Variants in TSPAN13 observed in about 807,000 individuals in gnomAD.
TSPAN13 encodes tetraspanin 13, also known as tetraspanin-13.
Under a neutral mutation model 26.9 loss-of-function variants are expected in TSPAN13, and 18 were observed. That is an observed-to-expected ratio of 0.67 (90% CI 0.46 to 0.99). TSPAN13 has a LOEUF of 0.99. TSPAN13 is among the 50% of genes least tolerant of loss of function. The pLI is 0.00. For missense variants in TSPAN13, 201 were observed against 249.6 expected (o/e 0.81, Z 1.31); for synonymous variants, 116 against 98.4 (o/e 1.18, Z -1.06).
chr7:16,778,896 A>T, intron 4 of TSPAN13, 107 bp from the exon 5 acceptor site: 1 of 779,308 alleles, frequency 1.3e-6, no homozygotes, highest in Non-Finnish European at 2.0e-6. Context: ...CCAAGGCCTC[A>T]AATTGGATAT....
chr7:16,759,677 C>CA (rs1554273838), intron 1 of TSPAN13, among the ~76,000 whole-genome samples: 1 of 148,942 alleles, frequency 6.7e-6, no homozygotes, highest in African/African-American at 2.5e-5. Context: ...AGTATTTCTG[C>CA]TTTTTTTTCT....
intron 1 of TSPAN13, among the ~76,000 whole-genome samples, 184 bp downstream of exon 1, chr7:16,754,214 G>C (rs1018593774): frequency 6.6e-6 from 1 of 152,282 alleles, no homozygotes; most frequent in East Asian, 1.9e-4. Flanking sequence ...GGCGCTTGTC[G>C]CAGTCTCTTC....
At position 16,782,980 on chromosome 7, in the gene TSPAN13, C is replaced by A. The variant is rs116129573; in HGVS notation, c.541-437C>A. Among the ~76,000 whole-genome samples the A allele has an allele frequency of 6.9e-3, 1,054 of 152,266 alleles. 19 individuals carry two copies. Among genetic ancestry groups the A allele is most frequent in the African/African-American group, 0.024 (977 of 41,546 alleles). On this transcript the variant is annotated intron_variant, in intron 5 of 5. Transcript: ENST00000262067. ...GCTAGGAGAGTTGCAGCTTCTCTTT[C>A]TATTTCCCTTTACTTCTGCCATCAC...
chr7:16,759,398 G>A (rs1259297571), intron 1 of TSPAN13, among the ~76,000 whole-genome samples: 1 of 152,082 alleles, frequency 6.6e-6, no homozygotes, highest in African/African-American at 2.4e-5. Flanking sequence ...GGTGCCAAAC[G>A]CTTTTAAACA....
At chr7:16,771,631 C>A (rs1012602627) in intron 1 of TSPAN13, among the ~76,000 whole-genome samples, 5 of 152,180 alleles carry the variant, frequency 3.3e-5, no homozygotes, top group African/African-American at 4.8e-5. Flanking sequence ...GCAGAAAACC[C>A]TCAGAAACTA....
At chr7:16,767,730 T>A (rs1047869107) in intron 1 of TSPAN13, among the ~76,000 whole-genome samples, 1 of 152,218 alleles carries the variant, frequency 6.6e-6, no homozygotes, top group Non-Finnish European at 1.5e-5. Context: ...GTCTAGTGCA[T>A]GTGAGATGGT....
At chr7:16,754,365 T>C (rs1784458163) in intron 1 of TSPAN13, among the ~76,000 whole-genome samples, 1 of 152,184 alleles carries the variant, frequency 6.6e-6, no homozygotes, top group Non-Finnish European at 1.5e-5. Flanking sequence ...CGTACCCTTC[T>C]GCCGCTCGCT....
At chr7:16,761,358 A>G (rs7781486) in intron 1 of TSPAN13, among the ~76,000 whole-genome samples, 13,694 of 152,226 alleles carry the variant, frequency 0.09, 1,104 homozygotes, top group African/African-American at 0.21. Flanking sequence ...GAGTTTTCAT[A>G]TTTCCATCCA....
At chr7:16,763,484 C>T (rs532305886) in intron 1 of TSPAN13, among the ~76,000 whole-genome samples, 86 of 152,246 alleles carry the variant, frequency 5.6e-4, no homozygotes, top group South Asian at 4.6e-3. Flanking sequence ...CGAAGTCGCT[C>T]GCCCCTTTCA....
rs149243862 is a variant in TSPAN13, at chr7:16,772,722, G to A, written c.64-3489G>A. ...AGATAATGTTTATCCTTGGCCGGGC[G>A]CGGTGGCTCATGCCTGTAATCCCAG... On this transcript the variant is annotated intron_variant, in intron 1 of 5. Transcript: ENST00000262067. Among the ~76,000 whole-genome samples the A allele has an allele frequency of 4.5e-3, 684 of 152,234 alleles. 5 individuals are homozygous for A. Among genetic ancestry groups the A allele is most frequent in the African/African-American group, 0.015 (642 of 41,544 alleles).
Position 16,783,501 on chromosome 7 carries a change from A to G in TSPAN13, c.*10A>G. 1 of 1,611,744 alleles carries G rather than the reference A, an allele frequency of 6.2e-7. No homozygotes were observed. Among genetic ancestry groups the G allele is most frequent in the South Asian group, 1.1e-5 (1 of 90,946 alleles). Reference sequence around the variant, plus strand: ...TAGTGCATTCCTTTGATGAGAAAACAAGGAAGATTTCCTTTCGTATTATGA... The same window carrying G: ...TAGTGCATTCCTTTGATGAGAAAACGAGGAAGATTTCCTTTCGTATTATGA... On this transcript the variant is annotated 3_prime_UTR_variant, in exon 6 of 6. Coordinates refer to ENST00000262067, the MANE Select transcript of TSPAN13 (RefSeq NM_014399.4).
chr7:16,766,273 C>T (rs1784602091), intron 1 of TSPAN13, among the ~76,000 whole-genome samples: 1 of 152,202 alleles, frequency 6.6e-6, no homozygotes, highest in Non-Finnish European at 1.5e-5. Flanking sequence ...TTGATTAGCA[C>T]AAACAAGTTT....
chr7:16,754,413 G>C (rs556924354), intron 1 of TSPAN13, among the ~76,000 whole-genome samples: 1 of 152,320 alleles, frequency 6.6e-6, no homozygotes, highest in Admixed American at 6.5e-5. Flanking sequence ...GCGTGGAGGC[G>C]CGAGAGCCGT....
chr7:16,783,585 C>T lies in TSPAN13; in HGVS notation c.*94C>T. 1 of 1,151,082 alleles carries T rather than the reference C, an allele frequency of 8.7e-7. No homozygotes were observed. Among genetic ancestry groups the T allele is most frequent in the African/African-American group, 1.5e-5 (1 of 66,308 alleles). 71.3% of individuals were successfully genotyped at this position (1,151,082 alleles called of 1,614,324 possible). On this transcript the variant is annotated 3_prime_UTR_variant, in exon 6 of 6. Transcript: ENST00000262067. ...CCATTTGCCAGTTTAAGGAAGGAAA[C>T]ACTATCTGGAAAAGTACCTTATTGA...
At chr7:16,782,133 A>C (rs1320878653) in intron 5 of TSPAN13, among the ~76,000 whole-genome samples, 6 of 152,218 alleles carry the variant, frequency 3.9e-5, no homozygotes, top group Non-Finnish European at 8.8e-5. Flanking sequence ...GGTACCTTTC[A>C]TAAAGAACTC....
chr7:16,756,713 G>A lies in TSPAN13; in HGVS notation c.63+2683G>A, dbSNP rs186732445. On this transcript the variant is annotated intron_variant, in intron 1 of 5. Coordinates refer to ENST00000262067, the MANE Select transcript of TSPAN13 (RefSeq NM_014399.4). ...TAAATTAGTGTAGTATGTGTTAACA[G>A]TTTGTAAATATAGAAGAAAAGGGGG... Among the ~76,000 whole-genome samples the A allele has an allele frequency of 3.3e-5, 5 of 152,300 alleles. No homozygotes were observed. In the East Asian group the frequency reaches 9.7e-4, roughly 29 times the overall value.
At chr7:16,754,422 G>C (rs1208164099) in intron 1 of TSPAN13, among the ~76,000 whole-genome samples, 2 of 152,204 alleles carry the variant, frequency 1.3e-5, no homozygotes, top group Non-Finnish European at 2.9e-5. Context: ...CGCGAGAGCC[G>C]TCAGGGCTTG....
intron 1 of TSPAN13, among the ~76,000 whole-genome samples, chr7:16,756,550 G>A (rs1784483141): frequency 6.6e-6 from 1 of 152,196 alleles, no homozygotes; most frequent in Admixed American, 6.5e-5. Context: ...GATCAGCTCA[G>A]AAAGCATGTC....
chr7:16,770,500 G>T (rs748571160), intron 1 of TSPAN13, among the ~76,000 whole-genome samples: 3 of 152,174 alleles, frequency 2.0e-5, no homozygotes, highest in African/African-American at 7.2e-5. Flanking sequence ...GTGAGCCACC[G>T]CGCCCAGCCC....
Sources: gnomAD v4.1 joint callset for allele counts (sites outside exome capture counted in the v4.1 genomes callset) on GRCh38, gnomAD v4.1.1 for gene constraint, MANE v1.5 for transcripts, NCBI Gene and HGNC (gene_info 2026-07-23, HGNC 2026-07-21) for gene names.